Variants in CNBD2 observed in about 807,000 individuals in gnomAD.
The protein encoded by CNBD2 is cyclic nucleotide binding domain containing 2.
CNBD2 carries 64 observed loss-of-function variants against 63.7 expected under a neutral mutation model. The ratio of observed to expected loss-of-function variants is 1.00; its 90% CI spans 0.82 to 1.24. The LOEUF (loss-of-function observed/expected upper bound fraction) is 1.24. Ranked by LOEUF, CNBD2 falls within the 50% of genes most tolerant of loss-of-function variation. The probability of loss-of-function intolerance (pLI) is 0.00; values close to 1 mark genes in which losing one functional copy is unlikely to be tolerated. For synonymous variants in CNBD2, 229 were observed against 255.4 expected, an observed-to-expected ratio of 0.90 and a Z score of 0.99; for missense variants, 691 against 713.5, an observed-to-expected ratio of 0.97 and a Z score of 0.36.
Position 35,984,622 on chromosome 20 carries a change from A to G in CNBD2, c.565-5A>G. The G allele has an allele frequency of 6.2e-7, 1 of 1,613,988 alleles. No individual in the cohort carries two copies. The highest frequency in any genetic ancestry group is 1.7e-4 in the Middle Eastern group (1 of 6,012). On this transcript the variant is annotated splice_polypyrimidine_tract_variant and splice_region_variant and intron_variant, in intron 5 of 11. Coordinates refer to ENST00000373973, the MANE Select transcript of CNBD2 (RefSeq NM_001365709.1). ...ACACTTGCCCTTGCCCTGTCCACCC[A>G]ACAGGAAATGGACGTTCTGCATGCT...
Position 36,023,659 on chromosome 20 carries a change from A to G in CNBD2, c.1327A>G (p.Met443Val), listed in dbSNP as rs147570074. ...ATGCGACACACGACCCTTGATCCTG[A>G]TGAGCCTGGGAAATGAGTTGATACG... ...GECDTRPLILMSLGNELIRIR... is the reference protein window; with the variant it reads ...GECDTRPLILVSLGNELIRIR... The change falls in exon 11 of 12, where the codon ATG becomes GTG. Residue 443 changes from methionine to valine, a missense_variant. Coordinates refer to ENST00000373973, the MANE Select transcript of CNBD2 (RefSeq NM_001365709.1). 1.9e-5 allele frequency: 31 copies of G among 1,613,892 alleles called. No homozygotes were observed. Among genetic ancestry groups the G allele is most frequent in the Non-Finnish European group, 2.6e-5 (31 of 1,179,960 alleles).
chr20:35,968,827 A>G lies in CNBD2; in HGVS notation c.51+14A>G. The G allele has an allele frequency of 6.2e-7, 1 of 1,600,362 alleles. No homozygotes were observed. The highest frequency in any genetic ancestry group is 8.5e-7 in the Non-Finnish European group (1 of 1,172,426). On this transcript the variant is annotated intron_variant, in intron 1 of 11. Coordinates refer to ENST00000373973, the MANE Select transcript of CNBD2 (RefSeq NM_001365709.1). ...AAGAAGGAACTGGTGAGGAGGGGCA[A>G]GGGCCCTGGGAGGGAAGAGCAGAAG... is the stretch of plus-strand genomic sequence containing the variant.
chr20:36,012,301 CA>C (rs57982520), intron 10 of CNBD2, among the ~76,000 whole-genome samples: 5,816 of 129,308 alleles, frequency 0.045, 380 homozygotes, highest in African/African-American at 0.15. Flanking sequence ...ACTCCGTCTC[CA>C]AAAAAAAAAA....
chr20:36,012,475 C>A, intron 10 of CNBD2, among the ~76,000 whole-genome samples: 1 of 112,418 alleles, frequency 8.9e-6, no homozygotes. Flanking sequence ...GAAACTCCAT[C>A]TCAAAAAAAA....
chr20:35,956,365 A>G (rs1361026323), downstream of CNBD2, among the ~76,000 whole-genome samples: 1 of 152,172 alleles, frequency 6.6e-6, no homozygotes, highest in African/African-American at 2.4e-5. Flanking sequence ...TTTCTTGAAA[A>G]AACGGAAGAG....
downstream of CNBD2, among the ~76,000 whole-genome samples, chr20:35,958,214 C>A (rs1195153745): frequency 6.6e-6 from 1 of 152,142 alleles, no homozygotes; most frequent in Non-Finnish European, 1.5e-5. Flanking sequence ...AGGCGGATCA[C>A]GAGTTCAGGA....
At position 35,975,004 on chromosome 20, in the gene CNBD2, T is replaced by A. The variant is rs1032312217; in HGVS notation, c.190-945T>A. 5.3e-5 allele frequency: 8 copies of A among 150,098 alleles called. No homozygotes were observed. In the East Asian group the frequency reaches 1.6e-3, roughly 30 times the overall value. The allele number at this position is 150,098 out of a possible 1,614,324, so 9.3% of individuals were successfully genotyped here. On this transcript the variant is annotated intron_variant, in intron 2 of 11. Coordinates refer to ENST00000373973, the MANE Select transcript of CNBD2 (RefSeq NM_001365709.1). ...CTTTTTTTTATTTTTTTTATTTTTT[T>A]TTATTTTTTTTTTTTGAGACGGAGT...
intron 11 of CNBD2, among the ~76,000 whole-genome samples, chr20:36,029,425 G>A (rs889085777): frequency 2.0e-5 from 3 of 152,194 alleles, no homozygotes; most frequent in African/African-American, 7.2e-5. Context: ...GCTCATGGAT[G>A]TTTAACAACC....
chr20:35,983,902 C>T, intron 4 of CNBD2, 80 bp from the exon 5 acceptor site: 1 of 1,541,570 alleles, frequency 6.5e-7, no homozygotes, highest in Non-Finnish European at 8.9e-7. Flanking sequence ...AAGCAAAGAG[C>T]ACAACCAGTC....
At chr20:36,023,818 T>C in intron 11 of CNBD2, 47 bp downstream of exon 11, 1 of 1,472,456 alleles carries the variant, frequency 6.8e-7, no homozygotes, top group African/African-American at 1.4e-5. Flanking sequence ...AAATGAACAA[T>C]TTTTCACCTG....
downstream of CNBD2, among the ~76,000 whole-genome samples, chr20:35,959,908 C>T (rs976405458): frequency 1.3e-5 from 2 of 152,212 alleles, no homozygotes; most frequent in African/African-American, 2.4e-5. Context: ...TCTGGATGCA[C>T]TGTAAAGAAT....
At chr20:35,965,247 G>A (rs1053481467), upstream of CNBD2, among the ~76,000 whole-genome samples, 1 of 135,940 alleles carries the variant, frequency 7.4e-6, no homozygotes, top group Non-Finnish European at 1.5e-5. Context: ...GTGCAATCTT[G>A]GCTCACTGCA....
rs1189597492 is a variant in CNBD2 at position 35,969,056 on chromosome 20, T to G, written c.51+243T>G. ...CCTGTTCTGTACCCACTCTTCCTGC[T>G]ATTATGAGATCCAGAGAGAACGAGG... On this transcript the variant is annotated intron_variant, in intron 1 of 11. Transcript: ENST00000373973. Among the ~76,000 whole-genome samples the G allele has an allele frequency of 5.9e-5, 9 of 152,276 alleles. No individual in the cohort carries two copies. The East Asian group carries it at 1.7e-3, about 29-fold the overall frequency.
chr20:36,017,503 T>A (rs546614384), intron 10 of CNBD2, among the ~76,000 whole-genome samples: 1 of 152,258 alleles, frequency 6.6e-6, no homozygotes, highest in African/African-American at 2.4e-5. Flanking sequence ...CAGCCCTCTG[T>A]CAATGCTGAT....
intron 11 of CNBD2, 22 bp from the exon 12 acceptor site, chr20:36,030,335 G>A (rs761278548): frequency 5.0e-5 from 80 of 1,611,736 alleles, no homozygotes; most frequent in African/African-American, 2.4e-4. Context: ...TGAGAACCTC[G>A]GCTTCTGTGC....
At chr20:36,000,534 A>G (rs1341946884) in intron 8 of CNBD2, among the ~76,000 whole-genome samples, 17 of 151,730 alleles carry the variant, frequency 1.1e-4, no homozygotes, top group Admixed American at 1.1e-3. Context: ...ATGCTACCAT[A>G]CTTGGCTAAT....
At chr20:35,970,307 A>G (rs1228189227) in intron 1 of CNBD2, among the ~76,000 whole-genome samples, 1 of 152,218 alleles carries the variant, frequency 6.6e-6, no homozygotes, top group Non-Finnish European at 1.5e-5. Context: ...GATTATATGC[A>G]TAGTAAGTAT....
chr20:35,975,844 T>C, intron 2 of CNBD2, 105 bp from the exon 3 acceptor site: 1 of 1,049,950 alleles, frequency 9.5e-7, no homozygotes, highest in Non-Finnish European at 1.4e-6. Context: ...TTCCCATGGC[T>C]TCCTGCCCAC....
At position 35,984,072 on chromosome 20, in the gene CNBD2, C is replaced by T. The variant is rs375944438; in HGVS notation, c.498C>T (p.Asp166=). ...TGGGCACAGTTGCAATAACCAAGGA[C>T]GAGGATGGCAGCAGTGCCTTCCTAG... ...IYLGTVAITK[D]EDGSSAFLDP... Residue 166 remains aspartate, a synonymous_variant, in exon 5 of 12, where the codon GAC becomes GAT. Transcript: ENST00000373973. 277 of 1,613,968 alleles carry T rather than the reference C, an allele frequency of 1.7e-4. 2 individuals are homozygous for T. Among genetic ancestry groups the T allele is most frequent in the South Asian group, 6.5e-4 (59 of 91,060 alleles).
Sources: gnomAD v4.1 joint callset for allele counts (sites outside exome capture counted in the v4.1 genomes callset) on GRCh38, gnomAD v4.1.1 for gene constraint, MANE v1.5 for transcripts, NCBI Gene and HGNC (gene_info 2026-07-23, HGNC 2026-07-21) for gene names.